Variants in CUBN observed in about 807,000 individuals in gnomAD.
CUBN encodes cubilin.
Under a neutral mutation model 405.3 loss-of-function variants are expected in CUBN, and 282 were observed. The ratio of observed to expected loss-of-function variants is 0.70; its 90% CI spans 0.63 to 0.77. CUBN has a LOEUF of 0.77. Ranked by LOEUF, CUBN falls within the 30% of genes least tolerant of loss-of-function variation. The pLI is 0.00. For missense variants in CUBN, 4,514 were observed against 4,475.2 expected (o/e 1.01, Z -0.25); for synonymous variants, 1,684 against 1,617.0 (o/e 1.04, Z -0.99).
intron 61 of CUBN, 43 bp from the exon 62 acceptor site, chr10:16,840,578 T>C (rs1839317044): frequency 6.8e-7 from 1 of 1,463,566 alleles, no homozygotes; most frequent in Admixed American, 2.0e-5. Context: ...ATTTTATTCA[T>C]GTCTCATCTC....
intron 63 of CUBN, among the ~76,000 whole-genome samples, chr10:16,835,579 T>C (rs1334866175): frequency 6.6e-6 from 1 of 152,026 alleles, no homozygotes; most frequent in Non-Finnish European, 1.5e-5. Flanking sequence ...TTTAAATCCA[T>C]TGTTGAGTTA....
intron 31 of CUBN, among the ~76,000 whole-genome samples, chr10:16,970,576 C>CAAAAAAAA (rs1213142589): frequency 4.9e-5 from 6 of 121,588 alleles, no homozygotes; most frequent in Admixed American, 8.7e-5. Context: ...AACTCCATCT[C>CAAAAAAAA]AAAAAAAAAA....
At chr10:16,837,257 G>T (rs963656216) in intron 62 of CUBN, among the ~76,000 whole-genome samples, 1 of 151,892 alleles carries the variant, frequency 6.6e-6, no homozygotes, top group Non-Finnish European at 1.5e-5. Context: ...CCTGGTAGAG[G>T]CTGTTCTTTA....
rs557673231 is a variant in CUBN, at chr10:17,103,111, G to A, written c.1530+14C>T. ...AAATATAATATGCATTTGGGCAAGA[G>A]TTACTACATTTACCTTTCCCATTTC... On this transcript the variant is annotated intron_variant, in intron 13 of 66. Transcript: ENST00000377833. The A allele has an allele frequency of 1.4e-6, 2 of 1,451,490 alleles. No homozygotes were observed. The highest frequency in any genetic ancestry group is 2.3e-5 in the South Asian group (2 of 87,752). The allele number at this position is 1,451,490 out of a possible 1,614,324, so 89.9% of individuals were successfully genotyped here.
intron 54 of CUBN, among the ~76,000 whole-genome samples, chr10:16,894,195 A>C (rs967346260): frequency 6.6e-6 from 1 of 152,168 alleles, no homozygotes; most frequent in African/African-American, 2.4e-5. Context: ...CACATGGCAT[A>C]AGATTTTTAA....
At chr10:16,863,125 G>C (rs1355395339) in intron 59 of CUBN, among the ~76,000 whole-genome samples, 7 of 152,144 alleles carry the variant, frequency 4.6e-5, no homozygotes, top group Non-Finnish European at 1.0e-4. Context: ...AGCATTTGTT[G>C]GTTTCTTTAT....
chr10:17,053,333 T>C (rs11254345), intron 22 of CUBN, among the ~76,000 whole-genome samples: 7,259 of 151,976 alleles, frequency 0.048, 599 homozygotes, highest in African/African-American at 0.16. Flanking sequence ...TATATAATGA[T>C]GCCATTATAT....
At chr10:16,989,090 G>A (rs1240401210) in intron 29 of CUBN, among the ~76,000 whole-genome samples, 2 of 152,094 alleles carry the variant, frequency 1.3e-5, no homozygotes, top group South Asian at 2.1e-4. Context: ...GAATATAGCA[G>A]TAAAACAAAG....
intron 56 of CUBN, among the ~76,000 whole-genome samples, chr10:16,881,609 G>C (rs2131384898): frequency 6.6e-6 from 1 of 152,294 alleles, no homozygotes; most frequent in South Asian, 2.1e-4. Flanking sequence ...GCCTAATTCA[G>C]TAAAATGTAG....
chr10:17,017,883 C>A (rs1232647788), intron 28 of CUBN, among the ~76,000 whole-genome samples: 1 of 152,050 alleles, frequency 6.6e-6, no homozygotes, highest in Non-Finnish European at 1.5e-5. Flanking sequence ...GCATTAGGAC[C>A]CAGGAGGCAA....
chr10:16,913,261 A>C (rs1470983565), intron 48 of CUBN, among the ~76,000 whole-genome samples: 2 of 152,194 alleles, frequency 1.3e-5, no homozygotes, highest in Non-Finnish European at 2.9e-5. Flanking sequence ...ACAGCACTTC[A>C]CAGTTAACAA....
chr10:16,886,425 G>A (rs550915986), intron 56 of CUBN, among the ~76,000 whole-genome samples: 5 of 152,218 alleles, frequency 3.3e-5, no homozygotes, highest in Non-Finnish European at 7.3e-5. Context: ...TACCGAGGTA[G>A]CTTGACAAAT....
intron 50 of CUBN, among the ~76,000 whole-genome samples, chr10:16,904,434 G>T (rs1034745156): frequency 6.6e-6 from 1 of 152,152 alleles, no homozygotes; most frequent in Non-Finnish European, 1.5e-5. Context: ...AGCACTTTTG[G>T]ACACACCTTT....
chr10:17,111,310 T>C (rs989108819), intron 8 of CUBN, among the ~76,000 whole-genome samples: 3 of 152,168 alleles, frequency 2.0e-5, no homozygotes, highest in Non-Finnish European at 2.9e-5. Context: ...TCTGGCAGTA[T>C]TCACTAAAAT....
At chr10:17,115,728 C>T in intron 6 of CUBN, 131 bp from the exon 7 acceptor site, 2 of 1,103,374 alleles carry the variant, frequency 1.8e-6, no homozygotes, top group East Asian at 4.9e-5. Context: ...GCCAGCAATG[C>T]AAATTTACTG....
chr10:16,934,758 G>C (rs765846735), intron 39 of CUBN, among the ~76,000 whole-genome samples: 1 of 152,114 alleles, frequency 6.6e-6, no homozygotes, highest in African/African-American at 2.4e-5. Context: ...CTTTTAAACC[G>C]AGACATCCAA....
chr10:17,045,896 T>C (rs377169664), intron 24 of CUBN, 38 bp downstream of exon 24: 6 of 1,607,586 alleles, frequency 3.7e-6, no homozygotes, highest in Non-Finnish European at 4.3e-6. Context: ...ACCAATCAGA[T>C]TGGCTTCTCC....
intron 60 of CUBN, among the ~76,000 whole-genome samples, chr10:16,844,639 T>C (rs1564381818): frequency 2.6e-5 from 4 of 152,192 alleles, no homozygotes; most frequent in Non-Finnish European, 4.4e-5. Flanking sequence ...AGTTCATTCA[T>C]TGCCACAGTA....
intron 15 of CUBN, among the ~76,000 whole-genome samples, chr10:17,087,448 A>G (rs906666637): frequency 7.2e-6 from 1 of 139,262 alleles, no homozygotes; most frequent in South Asian, 2.3e-4. Context: ...CCAGTTCAAC[A>G]CAATCACTAT....
Sources: gnomAD v4.1 joint callset for allele counts (sites outside exome capture counted in the v4.1 genomes callset) on GRCh38, gnomAD v4.1.1 for gene constraint, MANE v1.5 for transcripts, NCBI Gene and HGNC (gene_info 2026-07-23, HGNC 2026-07-21) for gene names.